DPP10: variants seen among roughly 807,000 people sequenced by gnomAD.
The protein encoded by DPP10 is inactive dipeptidyl peptidase 10.
DPP10 carries 33 observed loss-of-function variants against 120.9 expected under a neutral mutation model. The ratio of observed to expected loss-of-function variants is 0.27; its 90% CI spans 0.21 to 0.37. The LOEUF (loss-of-function observed/expected upper bound fraction) is 0.37. Among genes scored for constraint, DPP10 ranks in the 10% least tolerant of loss-of-function variants. The pLI is 1.00. For missense variants in DPP10, 816 were observed against 942.8 expected (o/e 0.87, Z 1.76); for synonymous variants, 337 against 326.1 (o/e 1.03, Z -0.36).
intron 2 of DPP10, among the ~76,000 whole-genome samples, chr2:115,316,802 G>A (rs2061815859): frequency 6.6e-6 from 1 of 152,128 alleles, no homozygotes; most frequent in Admixed American, 6.6e-5. Context: ...TGAGAAGTCA[G>A]GTTTCCATAA....
chr2:115,162,113 G>C, intron 1 of DPP10: 1 of 1,514,440 alleles, frequency 6.6e-7, no homozygotes, highest in South Asian at 1.2e-5. Flanking sequence ...CCCAGGCTGG[G>C]CTCCCGCGCC....
chr2:115,753,399 T>C, intron 11 of DPP10, 102 bp downstream of exon 11: 1 of 1,146,938 alleles, frequency 8.7e-7, no homozygotes, highest in East Asian at 2.8e-5. Context: ...ATTCAGTGTT[T>C]AACTTTTAAA....
chr2:115,580,754 C>T (rs2081961920), intron 5 of DPP10, among the ~76,000 whole-genome samples: 1 of 152,178 alleles, frequency 6.6e-6, no homozygotes, highest in South Asian at 2.1e-4. Flanking sequence ...AATTTCAACA[C>T]TTCCCTAATA....
At chr2:115,054,534 A>C (rs1339658392) in intron 1 of DPP10, among the ~76,000 whole-genome samples, 4 of 152,246 alleles carry the variant, frequency 2.6e-5, no homozygotes, top group Non-Finnish European at 5.9e-5. Flanking sequence ...TAGTTAAACT[A>C]AAGCTGGAAC....
intron 1 of DPP10, among the ~76,000 whole-genome samples, chr2:114,569,740 T>A (rs1207803029): frequency 6.6e-6 from 1 of 152,114 alleles, no homozygotes; most frequent in Non-Finnish European, 1.5e-5. Context: ...GAGTCCTGCA[T>A]GAGAAACAAA....
chr2:115,657,686 C>G (rs1346121612), intron 5 of DPP10, among the ~76,000 whole-genome samples: 1 of 151,668 alleles, frequency 6.6e-6, no homozygotes, highest in Non-Finnish European at 1.5e-5. Context: ...TGTTTTTGAG[C>G]AACCTAAATG....
Position 115,623,083 on chromosome 2 carries a change from G to A in DPP10, c.442-66604G>A, listed in dbSNP as rs552300819. On this transcript the variant is annotated intron_variant, in intron 5 of 25. Transcript: ENST00000410059. ...GATGGTCTCGATCTCCTGACCTCGT[G>A]ATCCGCCCGCCTCGGCCTCCCAAAG... 5.3e-5 allele frequency among the ~76,000 whole-genome samples: 8 copies of A among 152,152 alleles called. No individual in the cohort carries two copies. In the East Asian group the frequency reaches 1.5e-3, roughly 29 times the overall value.
intron 4 of DPP10, among the ~76,000 whole-genome samples, chr2:115,502,609 A>T (rs72826433): frequency 0.017 from 2,552 of 152,274 alleles, 39 homozygotes; most frequent in Non-Finnish European, 0.026. Context: ...GTTTTATCAA[A>T]TCACTTTTTG....
intron 1 of DPP10, among the ~76,000 whole-genome samples, chr2:114,916,059 A>G (rs1004276290): frequency 6.6e-6 from 1 of 152,132 alleles, no homozygotes; most frequent in African/African-American, 2.4e-5. Context: ...TTGTGAAAGC[A>G]TAAATAAGAA....
At chr2:114,615,358 T>C (rs2105305423) in intron 1 of DPP10, among the ~76,000 whole-genome samples, 1 of 152,272 alleles carries the variant, frequency 6.6e-6, no homozygotes, top group African/African-American at 2.4e-5. Flanking sequence ...TAGTTTCCCT[T>C]AGACTCCCTG....
intron 1 of DPP10, among the ~76,000 whole-genome samples, chr2:114,995,885 T>A (rs1382385732): frequency 1.3e-5 from 2 of 152,188 alleles, no homozygotes; most frequent in African/African-American, 4.8e-5. Context: ...GAATAAAAAT[T>A]ACCCATAAAT....
intron 1 of DPP10, among the ~76,000 whole-genome samples, chr2:115,040,012 G>A (rs1704516962): frequency 1.3e-5 from 2 of 152,094 alleles, no homozygotes; most frequent in Admixed American, 6.5e-5. Context: ...CAAACCACTG[G>A]GAAGGTCTTG....
intron 5 of DPP10, among the ~76,000 whole-genome samples, chr2:115,636,740 A>G (rs1053175403): frequency 3.9e-5 from 6 of 152,064 alleles, no homozygotes; most frequent in Non-Finnish European, 8.8e-5. Context: ...TTCAAGTTTG[A>G]GGTTTTTAAA....
At chr2:115,712,540 T>TTTTATTTATATA (rs778592374) in intron 7 of DPP10, among the ~76,000 whole-genome samples, 7 of 18,050 alleles carry the variant, frequency 3.9e-4, no homozygotes, top group Admixed American at 4.6e-4. Flanking sequence ...GAGTCCTGAA[T>TTTTATTTATATA]TAAATATATA....
intron 3 of DPP10, among the ~76,000 whole-genome samples, chr2:115,445,704 A>C (rs1174837929): frequency 6.6e-6 from 1 of 152,230 alleles, no homozygotes; most frequent in Non-Finnish European, 1.5e-5. Context: ...GAAAATTTGC[A>C]GCCTGACCAT....
intron 2 of DPP10, among the ~76,000 whole-genome samples, chr2:115,337,514 G>T (rs1411584524): frequency 6.6e-6 from 1 of 151,778 alleles, no homozygotes; most frequent in East Asian, 1.9e-4. Flanking sequence ...TAGTTACGTG[G>T]TCTTTGTCAA....
chr2:114,500,428 A>G (rs1313846054), intron 1 of DPP10, among the ~76,000 whole-genome samples: 2 of 152,194 alleles, frequency 1.3e-5, no homozygotes, highest in Non-Finnish European at 2.9e-5. Flanking sequence ...TTACTTAATT[A>G]TATTAGGGTT....
chr2:115,521,272 C>T (rs2077791629), intron 4 of DPP10, among the ~76,000 whole-genome samples: 1 of 152,048 alleles, frequency 6.6e-6, no homozygotes, highest in Non-Finnish European at 1.5e-5. Context: ...GAACTTGTTC[C>T]TTTTCTTTAG....
intron 3 of DPP10, among the ~76,000 whole-genome samples, chr2:115,462,874 C>T (rs2074077756): frequency 6.6e-6 from 1 of 152,016 alleles, no homozygotes; most frequent in Non-Finnish European, 1.5e-5. Flanking sequence ...TGACTAGAAG[C>T]ACATGCCACC....
Sources: gnomAD v4.1 joint callset for allele counts (sites outside exome capture counted in the v4.1 genomes callset) on GRCh38, gnomAD v4.1.1 for gene constraint, MANE v1.5 for transcripts, NCBI Gene and HGNC (gene_info 2026-07-23, HGNC 2026-07-21) for gene names.